PHACTR1: variants seen among roughly 807,000 people sequenced by gnomAD.
The protein encoded by PHACTR1 is RPEL repeat containing 1.
PHACTR1 carries 16 observed loss-of-function variants against 69.2 expected under a neutral mutation model. The ratio of observed to expected loss-of-function variants is 0.23; its 90% CI spans 0.16 to 0.35. PHACTR1 has a LOEUF of 0.35. Among genes scored for constraint, PHACTR1 ranks in the 10% least tolerant of loss-of-function variants. PHACTR1 has a pLI of 1.00. For missense variants in PHACTR1, 510 were observed against 734.7 expected, an observed-to-expected ratio of 0.69 and a Z score of 3.54; for synonymous variants, 312 against 284.5, an observed-to-expected ratio of 1.10 and a Z score of -0.97.
At chr6:13,194,175 T>C (rs1764016621) in intron 7 of PHACTR1, among the ~76,000 whole-genome samples, 1 of 152,068 alleles carries the variant, frequency 6.6e-6, no homozygotes, top group African/African-American at 2.4e-5. Flanking sequence ...GAGGCCAAGG[T>C]GGGCAGATCA....
At chr6:13,102,465 G>T (rs931431024) in intron 5 of PHACTR1, among the ~76,000 whole-genome samples, 2 of 152,076 alleles carry the variant, frequency 1.3e-5, no homozygotes, top group African/African-American at 4.8e-5. Context: ...CCCCACAGTA[G>T]GTTTTATAAT....
At chr6:13,153,912 T>G (rs2113476385) in intron 5 of PHACTR1, among the ~76,000 whole-genome samples, 1 of 152,368 alleles carries the variant, frequency 6.6e-6, no homozygotes, top group African/African-American at 2.4e-5. Context: ...TTTCTTAGTC[T>G]GCTTAGATTT....
chr6:13,239,165 A>G (rs138099321), intron 10 of PHACTR1, among the ~76,000 whole-genome samples: 1 of 152,274 alleles, frequency 6.6e-6, no homozygotes, highest in South Asian at 2.1e-4. Context: ...CAGGCCAGGG[A>G]GACTTCCCAT....
chr6:12,880,589 G>GT (rs1782993859), intron 4 of PHACTR1, among the ~76,000 whole-genome samples: 1 of 152,086 alleles, frequency 6.6e-6, no homozygotes, highest in Admixed American at 6.5e-5. Context: ...ATTCTGTGCT[G>GT]TAATACAGGT....
At chr6:12,920,566 G>C (rs375218071) in intron 4 of PHACTR1, among the ~76,000 whole-genome samples, 1 of 152,116 alleles carries the variant, frequency 6.6e-6, no homozygotes, top group African/African-American at 2.4e-5. Context: ...TTCTCTTCCT[G>C]TTCCTATTTT....
chr6:13,215,569 G>A (rs1442063176), intron 8 of PHACTR1, among the ~76,000 whole-genome samples: 2 of 152,098 alleles, frequency 1.3e-5, no homozygotes, highest in African/African-American at 4.8e-5. Flanking sequence ...TGAGATTGAT[G>A]ACGTAACATT....
At chr6:12,992,244 G>A (rs2127608033) in intron 4 of PHACTR1, among the ~76,000 whole-genome samples, 1 of 152,214 alleles carries the variant, frequency 6.6e-6, no homozygotes, top group African/African-American at 2.4e-5. Flanking sequence ...TCCCTTCATG[G>A]GGCTTCATAT....
rs869092852 is a variant in PHACTR1 at position 13,195,757 on chromosome 6, C to CAAAAAAAAAAAAAAAAAAAAAAAAAAAA, written c.665-10035_665-10034insAAAAAAAAAAAAAAAAAAAAAAAAAAAA. On this transcript the variant is annotated intron_variant, in intron 7 of 14. Coordinates refer to ENST00000332995, the MANE Select transcript of PHACTR1 (RefSeq NM_030948.6). ...TGGGCGACAGAGAGAGACACCGTCTCAAAAAAAAAAAAAAAAAAAAAAAGT... is the reference window on the plus strand; with the variant it reads ...TGGGCGACAGAGAGAGACACCGTCTCAAAAAAAAAAAAAAAAAAAAAAAAAAAAAAAAAAAAAAAAAAAAAAAAAAAGT... 1.1e-3 allele frequency among the ~76,000 whole-genome samples: 47 copies of CAAAAAAAAAAAAAAAAAAAAAAAAAAAA among 41,496 alleles called. 12 individuals carry two copies. The highest frequency in any genetic ancestry group is 1.5e-3 in the Non-Finnish European group (28 of 18,674). The allele number at this position is 41,496 out of a possible 152,430, so 27.2% of individuals were successfully genotyped here.
chr6:13,209,791 G>T (rs1214311385), intron 8 of PHACTR1, among the ~76,000 whole-genome samples: 1 of 152,170 alleles, frequency 6.6e-6, no homozygotes, highest in African/African-American at 2.4e-5. Context: ...CTGTTAGAAA[G>T]TTCCCTCTCT....
intron 5 of PHACTR1, among the ~76,000 whole-genome samples, chr6:13,062,121 T>C (rs998702778): frequency 2.9e-4 from 44 of 152,322 alleles, no homozygotes; most frequent in African/African-American, 1.0e-3. Context: ...TTGGGAACTC[T>C]CCTGATACTC....
intron 5 of PHACTR1, among the ~76,000 whole-genome samples, chr6:13,079,996 T>C (rs1811120149): frequency 6.6e-6 from 1 of 152,108 alleles, no homozygotes; most frequent in Admixed American, 6.6e-5. Context: ...GTGTAACCAG[T>C]CTCCCTTGAT....
chr6:12,719,497 G>A (rs928590749), intron 3 of PHACTR1, among the ~76,000 whole-genome samples: 8 of 152,168 alleles, frequency 5.3e-5, no homozygotes, highest in Non-Finnish European at 4.4e-5. Context: ...GGGATCTCGT[G>A]ACTAGGAGGA....
At position 12,733,537 on chromosome 6, in the gene PHACTR1, G is replaced by A. The variant is rs913232755; in HGVS notation, c.103+14690G>A. Reference sequence around the variant, plus strand: ...CTACAACATCCTGCCTTTCTGGAGAGAAATAGCTTAGCTAAACCAGATGGA... The same window carrying A: ...CTACAACATCCTGCCTTTCTGGAGAAAAATAGCTTAGCTAAACCAGATGGA... On this transcript the variant is annotated intron_variant, in intron 3 of 14. Transcript: ENST00000332995. Among the ~76,000 whole-genome samples the A allele has an allele frequency of 5.3e-5, 8 of 152,266 alleles. No individual in the cohort carries two copies. In the Middle Eastern group the frequency reaches 0.01, roughly 194 times the overall value.
At chr6:12,903,881 T>G (rs1785449726) in intron 4 of PHACTR1, among the ~76,000 whole-genome samples, 1 of 152,258 alleles carries the variant, frequency 6.6e-6, no homozygotes, top group African/African-American at 2.4e-5. Flanking sequence ...TATGATTTTT[T>G]TGTTTCTTCT....
At chr6:13,146,843 C>T (rs1000469862) in intron 5 of PHACTR1, among the ~76,000 whole-genome samples, 3 of 152,112 alleles carry the variant, frequency 2.0e-5, no homozygotes, top group South Asian at 2.1e-4. Flanking sequence ...TCTTTTTATT[C>T]CTGGGGGGAG....
At chr6:12,986,691 A>G (rs982689740) in intron 4 of PHACTR1, among the ~76,000 whole-genome samples, 2 of 152,234 alleles carry the variant, frequency 1.3e-5, no homozygotes, top group Non-Finnish European at 1.5e-5. Context: ...CCATGATGCC[A>G]GCATAGAAGA....
intron 4 of PHACTR1, among the ~76,000 whole-genome samples, chr6:12,792,464 C>CAAAAAAAAAAAAAAAAAAAA (rs60942588): frequency 3.2e-5 from 1 of 31,362 alleles, no homozygotes; most frequent in Non-Finnish European, 6.9e-5. Flanking sequence ...AACTCCATGT[C>CAAAAAAAAAAAAAAAAAAAA]AAAAAAAAAA....
At chr6:13,196,496 C>T in intron 7 of PHACTR1, 1 of 177,198 alleles carries the variant, frequency 5.6e-6, no homozygotes, top group South Asian at 8.2e-5. Context: ...TCTCAGCTCA[C>T]TGCAACCTCC....
At chr6:12,915,749 A>G (rs1039591469) in intron 4 of PHACTR1, among the ~76,000 whole-genome samples, 2 of 152,136 alleles carry the variant, frequency 1.3e-5, no homozygotes, top group Non-Finnish European at 2.9e-5. Context: ...CTTGCTAACA[A>G]CTTAGCAGAT....
Sources: allele counts gnomAD v4.1 joint callset (sites outside exome capture counted in the v4.1 genomes callset), GRCh38; gene constraint gnomAD v4.1.1; transcripts MANE v1.5; gene names NCBI Gene and HGNC (gene_info 2026-07-23, HGNC 2026-07-21).